Variants in FRMD6 observed in about 807,000 individuals in gnomAD.
FRMD6 encodes FERM domain containing 6, also known as FERM domain-containing protein 6.
FRMD6 carries 37 observed loss-of-function variants against 73.2 expected under a neutral mutation model. That is an observed-to-expected ratio of 0.51 (90% CI 0.39 to 0.66). FRMD6 has a LOEUF of 0.66. FRMD6 is among the 30% of genes least tolerant of loss of function. The pLI is 0.00. For missense variants in FRMD6, 714 were observed against 780.5 expected, an observed-to-expected ratio of 0.91 and a Z score of 1.02; for synonymous variants, 273 against 282.2, an observed-to-expected ratio of 0.97 and a Z score of 0.33.
the FRMD6 span, among the ~76,000 whole-genome samples, chr14:51,478,302 C>T: frequency 6.3e-3 from 960 of 152,248 alleles, 5 homozygotes; most frequent in Non-Finnish European, 0.011. Flanking sequence ...ATATTATATG[C>T]ATTTTTTTTC....
chr14:51,474,479 G>A, the FRMD6 span, among the ~76,000 whole-genome samples: 3 of 152,288 alleles, frequency 2.0e-5, no homozygotes, highest in East Asian at 1.9e-4. Context: ...AAATCAGTGG[G>A]GCTGGTGGGG....
At chr14:51,403,852 C>T in the FRMD6 span, among the ~76,000 whole-genome samples, 1 of 151,966 alleles carries the variant, frequency 6.6e-6, no homozygotes, top group Admixed American at 6.5e-5. Flanking sequence ...GGATTTTTTT[C>T]AAGATTTTTG....
At chr14:51,612,316 G>A (rs1487572626) in intron 2 of FRMD6, among the ~76,000 whole-genome samples, 2 of 152,138 alleles carry the variant, frequency 1.3e-5, no homozygotes, top group Non-Finnish European at 2.9e-5. Flanking sequence ...CCTCATTGTT[G>A]TAATTTGGTT....
At chr14:51,546,796 G>A (rs1385510632) in intron 1 of FRMD6, 1 of 151,970 alleles carries the variant, frequency 6.6e-6, no homozygotes, top group Non-Finnish European at 1.5e-5. Context: ...TTCAGCCCAG[G>A]GCACTTCTGA....
chr14:51,627,856 G>A (rs1891175339), intron 2 of FRMD6, among the ~76,000 whole-genome samples: 1 of 152,192 alleles, frequency 6.6e-6, no homozygotes, highest in Non-Finnish European at 1.5e-5. Context: ...TGGGGGATTG[G>A]TTCCAGGCTC....
At chr14:51,695,659 C>G (rs539625814) in intron 2 of FRMD6, among the ~76,000 whole-genome samples, 1 of 152,132 alleles carries the variant, frequency 6.6e-6, no homozygotes, top group Non-Finnish European at 1.5e-5. Context: ...TTTCATTCAT[C>G]GAACATTTAC....
intron 2 of FRMD6, among the ~76,000 whole-genome samples, chr14:51,643,985 ATT>A (rs1283413212): frequency 8.2e-6 from 1 of 122,110 alleles, no homozygotes; most frequent in Non-Finnish European, 2.1e-5. Flanking sequence ...ATGATTTCTT[ATT>A]AAGAAATTAA....
chr14:51,493,765 G>T (rs1453725472), intron 1 of FRMD6, among the ~76,000 whole-genome samples: 2 of 152,160 alleles, frequency 1.3e-5, no homozygotes, highest in African/African-American at 4.8e-5. Flanking sequence ...CATTTGAGAT[G>T]GTCCAATGAA....
rs1028982802 is a variant in FRMD6, at chr14:51,729,557, T to G, written c.*1528T>G. The G allele has an allele frequency of 2.6e-5, 4 of 152,656 alleles. No homozygotes were observed. The highest frequency in any genetic ancestry group is 9.6e-5 in the African/African-American group (4 of 41,452). 9.5% of individuals were successfully genotyped at this position (152,656 alleles called of 1,614,324 possible). A position where few individuals can be genotyped will look rare whatever the true frequency, so the allele number is the denominator to read the frequency against. Reference sequence around the variant, plus strand: ...TTTACAACATTTGTTTACCATATTTTGATATACCATTTTTTTCTATCTGCC... The same window carrying G: ...TTTACAACATTTGTTTACCATATTTGGATATACCATTTTTTTCTATCTGCC... On this transcript the variant is annotated 3_prime_UTR_variant, in exon 14 of 14. Transcript: ENST00000344768.
At chr14:51,422,781 C>T in the FRMD6 span, among the ~76,000 whole-genome samples, 1 of 152,208 alleles carries the variant, frequency 6.6e-6, no homozygotes, top group African/African-American at 2.4e-5. Context: ...GGTGGGTCAA[C>T]ACCCTTTGGG....
chr14:51,406,134 T>C, the FRMD6 span, among the ~76,000 whole-genome samples: 1 of 151,904 alleles, frequency 6.6e-6, no homozygotes, highest in Non-Finnish European at 1.5e-5. Flanking sequence ...GTCAAAGAGA[T>C]GGTCATAGGT....
intron 2 of FRMD6, among the ~76,000 whole-genome samples, chr14:51,691,504 A>T (rs139876828): frequency 4.5e-4 from 68 of 151,878 alleles, no homozygotes; most frequent in African/African-American, 1.6e-3. Flanking sequence ...TTCTGATGGA[A>T]TTAGAGGAAA....
the FRMD6 span, among the ~76,000 whole-genome samples, chr14:51,396,839 A>G: frequency 1.7e-4 from 26 of 152,230 alleles, no homozygotes; most frequent in East Asian, 1.9e-4. Flanking sequence ...TTACTAATCA[A>G]TTAGCCAGAA....
intron 1 of FRMD6, among the ~76,000 whole-genome samples, chr14:51,662,541 AT>A (rs1893290799): frequency 6.6e-6 from 1 of 152,204 alleles, no homozygotes; most frequent in South Asian, 2.1e-4. Context: ...AAAACAAGCA[AT>A]GGGGAAAGAA....
intron 1 of FRMD6, among the ~76,000 whole-genome samples, chr14:51,559,630 C>T (rs913013934): frequency 6.6e-6 from 1 of 152,172 alleles, no homozygotes; most frequent in Admixed American, 6.5e-5. Flanking sequence ...TTTCCAGTTT[C>T]ATACATTCTG....
chr14:51,618,583 AT>A, intron 2 of FRMD6, among the ~76,000 whole-genome samples: 1 of 152,246 alleles, frequency 6.6e-6, no homozygotes, highest in East Asian at 1.9e-4. Flanking sequence ...GTCAAAATAT[AT>A]TTTTGAAGTG....
chr14:51,599,391 A>G (rs1037082655), intron 2 of FRMD6, among the ~76,000 whole-genome samples: 7 of 152,200 alleles, frequency 4.6e-5, no homozygotes, highest in South Asian at 2.1e-4. Context: ...TAAGAATTCC[A>G]GAAGAAAACT....
At chr14:51,615,128 C>T (rs1373520555) in intron 2 of FRMD6, among the ~76,000 whole-genome samples, 2 of 152,196 alleles carry the variant, frequency 1.3e-5, no homozygotes, top group Non-Finnish European at 1.5e-5. Context: ...TTAGCAGCTG[C>T]TGCCACTAAA....
chr14:51,715,552 C>A, intron 10 of FRMD6, 53 bp downstream of exon 10: 1 of 1,436,862 alleles, frequency 7.0e-7, no homozygotes, highest in Admixed American at 2.1e-5. Context: ...CACCTGTGGC[C>A]TCTTACTCTG....
Sources: allele counts gnomAD v4.1 joint callset (sites outside exome capture counted in the v4.1 genomes callset), GRCh38; gene constraint gnomAD v4.1.1; transcripts MANE v1.5; gene names NCBI Gene and HGNC (gene_info 2026-07-23, HGNC 2026-07-21).